SPDYE4: variants seen among roughly 807,000 people sequenced by gnomAD.
The protein encoded by SPDYE4 is speedy protein E4.
A neutral mutation model predicts 37.5 loss-of-function variants in SPDYE4; 30 were observed. The observed-to-expected ratio is 0.80, with a 90% CI of 0.60 to 1.09. The LOEUF is 1.09. Ranked by LOEUF, SPDYE4 falls within the 50% of genes least tolerant of loss-of-function variation. The pLI is 0.00. For synonymous variants in SPDYE4, 131 were observed against 120.3 expected (o/e 1.09, Z -0.58); for missense variants, 300 against 307.9 (o/e 0.97, Z 0.19).
At chr17:8,757,169 G>T in intron 2 of SPDYE4, 93 bp downstream of exon 2, 1 of 1,210,078 alleles carries the variant, frequency 8.3e-7, no homozygotes, top group Non-Finnish European at 1.2e-6. Flanking sequence ...CCCCAGGAGG[G>T]CATATTCTTC....
downstream of SPDYE4, among the ~76,000 whole-genome samples, chr17:8,748,980 T>A (rs2086708579): frequency 6.6e-6 from 1 of 152,240 alleles, no homozygotes. Context: ...CTTGGGATTC[T>A]CTAACAGCAG....
In SPDYE4 at chr17:8,752,911, C is replaced by T. The variant is rs1357170859; in HGVS notation, c.*44+183G>A. 3.9e-5 allele frequency among the ~76,000 whole-genome samples: 6 copies of T among 152,250 alleles called. No individual in the cohort carries two copies. In the East Asian group the frequency reaches 9.7e-4, roughly 25 times the overall value. ...TCCGGGGCTCTGGTGTTCCTTCCGC[C>T]TCAGGCTCCTGAGTAGTGGGGACTA... On this transcript the variant is annotated intron_variant, in intron 6 of 6. Transcript: ENST00000689094.
At position 8,753,547 on chromosome 17, in the gene SPDYE4, A is replaced by C. The variant is rs371127650; in HGVS notation, c.486-58T>G. On this transcript the variant is annotated intron_variant, in intron 4 of 6. Transcript: ENST00000689094. The stretch of plus-strand genomic sequence containing the variant: ...CCCCACCAGGAGGGACCCCTGCCTG[A>C]GGGCAGCCTCTCAGAGAGGAGGGCA... The C allele has an allele frequency of 5.5e-4, 881 of 1,591,470 alleles. 4 individuals are homozygous for C. The African/African-American group carries it at 0.01, about 19-fold the overall frequency.
chr17:8,756,079 G>A (rs950489443), intron 3 of SPDYE4, among the ~76,000 whole-genome samples: 1 of 152,092 alleles, frequency 6.6e-6, no homozygotes, highest in African/African-American at 2.4e-5. Flanking sequence ...AATAGCTGGG[G>A]GCGGTGACTC....
intron 2 of SPDYE4, among the ~76,000 whole-genome samples, chr17:8,756,669 A>G (rs2086775425): frequency 6.6e-6 from 1 of 152,166 alleles, no homozygotes; most frequent in Non-Finnish European, 1.5e-5. Context: ...CTACAGGATG[A>G]AGAGCTGTGA....
chr17:8,758,161 C>T (rs867484077), intron 1 of SPDYE4, 113 bp downstream of exon 1: 1 of 874,990 alleles, frequency 1.1e-6, no homozygotes, highest in Middle Eastern at 2.8e-4. Context: ...CTTCCTGAGT[C>T]CGTCGTTTCT....
Position 8,758,447 on chromosome 17 carries a change from T to C in SPDYE4, c.-65A>G. 1.4e-6 allele frequency: 2 copies of C among 1,441,798 alleles called. No individual in the cohort carries two copies. Among genetic ancestry groups the C allele is most frequent in the South Asian group, 1.2e-5 (1 of 81,780 alleles). The allele number at this position is 1,441,798 out of a possible 1,614,324, so 89.3% of individuals were successfully genotyped here. ...GTCCCTGTTCTGTCCAAAGCCTTCT[T>C]CCAGACTCCGTTAGGACCCAGAAGA... On this transcript the variant is annotated 5_prime_UTR_variant, in exon 1 of 7. Coordinates refer to ENST00000689094, the MANE Select transcript of SPDYE4 (RefSeq NM_001394956.1).
At position 8,751,582 on chromosome 17, in the gene SPDYE4, C is replaced by T. The variant is rs780896665; in HGVS notation, c.*700G>A. ...TACAAGAGTGCTCGCTTCAGGAGCA[C>T]ATTTAATAATAGATAAAACGATTTA... On this transcript the variant is annotated 3_prime_UTR_variant, in exon 7 of 7. Transcript: ENST00000689094. Among the ~76,000 whole-genome samples, 2 of 152,044 alleles carry T rather than the reference C, an allele frequency of 1.3e-5. No individual in the cohort carries two copies. Among genetic ancestry groups the T allele is most frequent in the Non-Finnish European group, 2.9e-5 (2 of 68,018 alleles).
downstream of SPDYE4, among the ~76,000 whole-genome samples, chr17:8,749,220 G>T (rs571392977): frequency 6.6e-6 from 1 of 151,548 alleles, no homozygotes; most frequent in East Asian, 1.9e-4. Context: ...AGCCTCCTGG[G>T]TAGCTGGGAC....
At chr17:8,749,910 G>A (rs146780570), downstream of SPDYE4, among the ~76,000 whole-genome samples, 981 of 152,304 alleles carry the variant, frequency 6.4e-3, 5 homozygotes, top group Non-Finnish European at 8.2e-3. Flanking sequence ...ACGGTTCCAT[G>A]TGCTGGAATA....
chr17:8,755,573 G>A lies in SPDYE4; in HGVS notation c.432C>T (p.Ser144=). The change falls in exon 4 of 7, where the codon AGC becomes AGT. Residue 144 remains serine, a synonymous_variant. Coordinates refer to ENST00000689094, the MANE Select transcript of SPDYE4 (RefSeq NM_001394956.1). The part of the protein sequence containing the change: ...YLLAMVIAYF[S]RAGLFSWQYQ... Reference sequence around the variant, plus strand: ...ATTGCCACGAGAAGAGGCCGGCACGGCTAAAATACGCTATGACCATAGCCA... The same window carrying A: ...ATTGCCACGAGAAGAGGCCGGCACGACTAAAATACGCTATGACCATAGCCA... 6.2e-7 allele frequency: 1 copy of A among 1,612,674 alleles called. No homozygotes were observed. The highest frequency in any genetic ancestry group is 8.5e-7 in the Non-Finnish European group (1 of 1,179,534).
Position 8,757,383 on chromosome 17 carries a change from G to C in SPDYE4, c.219C>G (p.Arg73=). The change falls in exon 2 of 7, where the codon CGC becomes CGG. Residue 73 remains arginine, a synonymous_variant. Transcript: ENST00000689094. ...EELEEELELE[R]APEPEDTWVV... is the part of the protein sequence containing the mutation. ...CCCAGGTGTCCTCGGGCTCAGGGGC[G>C]CGCTCCAACTCCAGCTCCTCCTCCA... The C allele has an allele frequency of 3.1e-6, 5 of 1,592,816 alleles. No homozygotes were observed. Among genetic ancestry groups the C allele is most frequent in the Non-Finnish European group, 4.3e-6 (5 of 1,169,354 alleles).
intron 2 of SPDYE4, 54 bp from the exon 3 acceptor site, chr17:8,756,490 A>G: frequency 1.3e-6 from 2 of 1,538,156 alleles, no homozygotes; most frequent in South Asian, 1.1e-5. Flanking sequence ...TTGCCGTGGG[A>G]GCAGCAGAGC....
chr17:8,750,026 C>A (rs541640457), downstream of SPDYE4, among the ~76,000 whole-genome samples: 1 of 152,320 alleles, frequency 6.6e-6, no homozygotes, highest in Non-Finnish European at 1.5e-5. Context: ...CCTCAGAGTT[C>A]ATTGACTTCA....
downstream of SPDYE4, among the ~76,000 whole-genome samples, chr17:8,748,840 G>A (rs2086707471): frequency 6.6e-6 from 1 of 152,150 alleles, no homozygotes; most frequent in Admixed American, 6.5e-5. Context: ...TGGATTGGTT[G>A]GACCCTCATT....
chr17:8,753,576 G>A, intron 4 of SPDYE4, 87 bp from the exon 5 acceptor site: 1 of 1,508,020 alleles, frequency 6.6e-7, no homozygotes, highest in South Asian at 1.3e-5. Flanking sequence ...GAGGGCAGGG[G>A]ACCTTCCTCA....
At chr17:8,753,286 T>TCCCCC in intron 5 of SPDYE4, 35 bp downstream of exon 5, 3 of 329,264 alleles carry the variant, frequency 9.1e-6, no homozygotes, top group South Asian at 3.4e-5. Context: ...ACCCCATCCC[T>TCCCCC]CCCCACCCCC....
chr17:8,757,177 T>G (rs2086779199), intron 2 of SPDYE4, 85 bp downstream of exon 2: 1 of 1,325,554 alleles, frequency 7.5e-7, no homozygotes, highest in Non-Finnish European at 1.0e-6. Context: ...GGGCATATTC[T>G]TCTTATTGGG....
downstream of SPDYE4, among the ~76,000 whole-genome samples, chr17:8,747,628 G>T (rs1472417): frequency 0.016 from 2,386 of 152,148 alleles, 29 homozygotes; most frequent in Non-Finnish European, 0.023. Context: ...TACTTTTTTG[G>T]TTTTTTTGCC....
Sources: gnomAD v4.1 joint callset for allele counts (sites outside exome capture counted in the v4.1 genomes callset) on GRCh38, gnomAD v4.1.1 for gene constraint, MANE v1.5 for transcripts, NCBI Gene and HGNC (gene_info 2026-07-23, HGNC 2026-07-21) for gene names.